FBXL13: variants seen among roughly 807,000 people sequenced by gnomAD.
FBXL13 encodes the protein F-box and leucine-rich repeat protein 13.
Under a neutral mutation model 83.6 loss-of-function variants are expected in FBXL13, and 67 were observed. The ratio of observed to expected loss-of-function variants is 0.80; its 90% confidence interval spans 0.66 to 0.98. FBXL13 has a LOEUF of 0.98. FBXL13 is among the 50% of genes least tolerant of loss of function. The probability of loss-of-function intolerance (pLI) is 0.00; values close to 1 mark genes in which losing one functional copy is unlikely to be tolerated. For missense variants in FBXL13, 822 were observed against 866.5 expected (o/e 0.95, Z 0.64); for synonymous variants, 272 against 299.5 (o/e 0.91, Z 0.95).
At chr7:103,048,202 G>T (rs542838333) in intron 2 of FBXL13, among the ~76,000 whole-genome samples, 3 of 151,960 alleles carry the variant, frequency 2.0e-5, no homozygotes, top group Admixed American at 2.0e-4. Context: ...ATTTAATTTT[G>T]GGAAGCCTAT....
chr7:103,067,443 T>G (rs1051156973), intron 1 of FBXL13, among the ~76,000 whole-genome samples: 1 of 152,206 alleles, frequency 6.6e-6, no homozygotes, highest in Non-Finnish European at 1.5e-5. Flanking sequence ...GGATTAGTCT[T>G]AATAATCCAC....
intron 10 of FBXL13, among the ~76,000 whole-genome samples, chr7:102,921,026 C>T (rs1816878527): frequency 6.6e-6 from 1 of 152,034 alleles, no homozygotes; most frequent in South Asian, 2.1e-4. Context: ...GTGGCGGGCA[C>T]CTGTAATCCC....
chr7:102,913,456 T>C (rs1313680493), intron 10 of FBXL13, among the ~76,000 whole-genome samples: 1 of 152,228 alleles, frequency 6.6e-6, no homozygotes, highest in African/African-American at 2.4e-5. Flanking sequence ...AATAGTTCAA[T>C]AATATTTGCC....
At chr7:102,997,919 T>G (rs1034339751) in intron 6 of FBXL13, among the ~76,000 whole-genome samples, 1 of 152,206 alleles carries the variant, frequency 6.6e-6, no homozygotes, top group African/African-American at 2.4e-5. Context: ...TCCTTTCTTT[T>G]GGATTTATAC....
chr7:102,823,294 A>T (rs1201694492), intron 18 of FBXL13, among the ~76,000 whole-genome samples: 2 of 152,184 alleles, frequency 1.3e-5, no homozygotes, highest in Non-Finnish European at 2.9e-5. Flanking sequence ...CATGCTACAA[A>T]ACTACAAAAT....
At chr7:102,914,057 C>T (rs1182460882) in intron 10 of FBXL13, among the ~76,000 whole-genome samples, 1 of 152,110 alleles carries the variant, frequency 6.6e-6, no homozygotes, top group Admixed American at 6.6e-5. Context: ...CCCAAGCCCT[C>T]CAAAGCCTGG....
chr7:102,854,835 T>G, exon 17 of FBXL13: 1 of 1,589,756 alleles, frequency 6.3e-7, no homozygotes, highest in Non-Finnish European at 8.6e-7. Context: ...CTTCAATTTT[T>G]TATGTCTGGA....
At chr7:102,845,617 C>T (rs1161748970) in intron 17 of FBXL13, among the ~76,000 whole-genome samples, 1 of 152,164 alleles carries the variant, frequency 6.6e-6, no homozygotes, top group Non-Finnish European at 1.5e-5. Flanking sequence ...TCTGAACTAT[C>T]AACAATTTCA....
chr7:102,946,281 C>T (rs982079123), intron 8 of FBXL13, among the ~76,000 whole-genome samples: 2 of 152,246 alleles, frequency 1.3e-5, no homozygotes, highest in African/African-American at 4.8e-5. Flanking sequence ...GTGATACTGT[C>T]TGCCTTTTAT....
chr7:103,018,779 T>C (rs1311685599), intron 6 of FBXL13, among the ~76,000 whole-genome samples: 2 of 152,222 alleles, frequency 1.3e-5, no homozygotes, highest in Admixed American at 6.5e-5. Context: ...GAGATAACTA[T>C]ACTAAATATG....
At chr7:102,860,934 A>G (rs1236694045) in intron 16 of FBXL13, among the ~76,000 whole-genome samples, 2 of 151,954 alleles carry the variant, frequency 1.3e-5, no homozygotes, top group African/African-American at 4.8e-5. Flanking sequence ...ATTCATATAT[A>G]TGTATGAATA....
chr7:102,918,183 G>C (rs1816285625), intron 10 of FBXL13, among the ~76,000 whole-genome samples: 1 of 152,112 alleles, frequency 6.6e-6, no homozygotes, highest in Non-Finnish European at 1.5e-5. Flanking sequence ...ATGGAAAATA[G>C]AGCAAAAACA....
At chr7:102,900,108 T>C (rs760539025) in intron 11 of FBXL13, among the ~76,000 whole-genome samples, 2 of 152,184 alleles carry the variant, frequency 1.3e-5, no homozygotes, top group Non-Finnish European at 2.9e-5. Context: ...CTAAAACATA[T>C]GTAATTGATT....
At chr7:102,989,024 C>T (rs780167719) in intron 6 of FBXL13, among the ~76,000 whole-genome samples, 4 of 152,076 alleles carry the variant, frequency 2.6e-5, no homozygotes, top group Non-Finnish European at 5.9e-5. Flanking sequence ...CGTGGCCCAG[C>T]CCACTTTATG....
rs3779030 is a variant in FBXL13 at position 102,855,830 on chromosome 7, T to G, written c.1636-970A>C. Among the ~76,000 whole-genome samples the G allele has an allele frequency of 7.9e-5, 12 of 152,172 alleles. No individual in the cohort carries two copies. In the East Asian group the frequency reaches 2.3e-3, roughly 29 times the overall value. On this transcript the variant is annotated intron_variant, in intron 16 of 19. Coordinates refer to ENST00000313221, the Ensembl canonical transcript of FBXL13. ...AATGGGCTATGCAAATATTATATCTTGTTTTTTTTGTTTGTTTGTTTTGTT... is the reference window on the plus strand; with the variant it reads ...AATGGGCTATGCAAATATTATATCTGGTTTTTTTTGTTTGTTTGTTTTGTT...
intron 16 of FBXL13, 39 bp from the exon 18 acceptor site, chr7:102,854,899 A>T: frequency 4.2e-6 from 5 of 1,202,260 alleles, no homozygotes; most frequent in Non-Finnish European, 6.0e-6. Flanking sequence ...TGTGATTATC[A>T]TTTAGTATGG....
At chr7:102,826,107 G>T (rs1799580324) in intron 18 of FBXL13, among the ~76,000 whole-genome samples, 1 of 152,040 alleles carries the variant, frequency 6.6e-6, no homozygotes, top group Non-Finnish European at 1.5e-5. Context: ...CTTTCAGTTT[G>T]CTGAATTATA....
intron 19 of FBXL13, chr7:102,816,306 T>G (rs1179097960): frequency 6.6e-6 from 1 of 152,268 alleles, no homozygotes; most frequent in Non-Finnish European, 1.5e-5. Context: ...TAGTCTGAAG[T>G]GCTTTCACAG....
chr7:102,926,997 G>C (rs1047606083), intron 9 of FBXL13, among the ~76,000 whole-genome samples: 1 of 152,232 alleles, frequency 6.6e-6, no homozygotes. Context: ...GGAGTAGGGT[G>C]GGGGAGGATC....
Sources: allele counts gnomAD v4.1 joint callset (sites outside exome capture counted in the v4.1 genomes callset), GRCh38; gene constraint gnomAD v4.1.1; transcripts MANE v1.5; gene names NCBI Gene and HGNC (gene_info 2026-07-23, HGNC 2026-07-21).